CLASP2: variants seen among roughly 807,000 people sequenced by gnomAD.
CLASP2 encodes the protein CLIP-associating protein 2.
CLASP2 carries 47 observed loss-of-function variants against 194.4 expected under a neutral mutation model. The ratio of observed to expected loss-of-function variants is 0.24; its 90% CI spans 0.19 to 0.31. The LOEUF (loss-of-function observed/expected upper bound fraction) is 0.31, where lower values mean the gene tolerates loss of function less well. CLASP2 is among the 10% of genes least tolerant of loss of function. CLASP2 has a pLI of 1.00. For missense variants in CLASP2, 1,445 were observed against 1,823.6 expected, an observed-to-expected ratio of 0.79 and a Z score of 3.78; for synonymous variants, 619 against 633.5, an observed-to-expected ratio of 0.98 and a Z score of 0.34.
Position 33,516,141 on chromosome 3 carries a change from C to T in CLASP2, c.3992G>A (p.Arg1331Lys). Residue 1331 changes from arginine (R) to lysine (K), a missense_variant, in exon 36 of 39, where the codon AGG becomes AAG. By Grantham distance (26) the Arg-to-Lys change is conservative (BLOSUM62 2). Transcript: ENST00000682230. ...ETLGDKEPTI[R>K]ALALKVLREI... is the part of the protein sequence containing the mutation. The stretch of plus-strand genomic sequence containing the variant: ...TCTTAAAACCTTTAATGCCAAAGCC[C>T]TGATTGTAGGCTAAGAAGAAACATT... 6.2e-7 allele frequency: 1 copy of T among 1,604,752 alleles called. No homozygotes were observed. The highest frequency in any genetic ancestry group is 8.5e-7 in the Non-Finnish European group (1 of 1,176,368).
chr3:33,578,659 T>TA (rs1427929336), intron 23 of CLASP2, among the ~76,000 whole-genome samples: 1 of 152,210 alleles, frequency 6.6e-6, no homozygotes, highest in Non-Finnish European at 1.5e-5. Flanking sequence ...TTGTTAGTTT[T>TA]AATTTTACCT....
At chr3:33,552,605 T>C (rs187618936) in intron 29 of CLASP2, among the ~76,000 whole-genome samples, 11 of 152,360 alleles carry the variant, frequency 7.2e-5, no homozygotes, top group African/African-American at 2.6e-4. Context: ...AAGTTTTATA[T>C]ATTTAATGTG....
intron 6 of CLASP2, among the ~76,000 whole-genome samples, chr3:33,667,369 A>C (rs2086361558): frequency 7.3e-6 from 1 of 136,916 alleles, no homozygotes; most frequent in Non-Finnish European, 1.5e-5. Flanking sequence ...AGATCGTGTC[A>C]CTGCACTCCA....
chr3:33,706,189 A>C lies in CLASP2; in HGVS notation c.196-9256T>G, dbSNP rs73055651. On this transcript the variant is annotated intron_variant, in intron 1 of 38. Transcript: ENST00000682230. ...CCTGAGCCCGGGACGTCAAGTCTGC[A>C]GTGAGTCATGATGGTGCCACCGCAC... Among the ~76,000 whole-genome samples the C allele has an allele frequency of 4.2e-3, 632 of 152,286 alleles. 1 individual carries two copies. The highest frequency in any genetic ancestry group is 0.01 in the Middle Eastern group (3 of 294).
At position 33,602,813 on chromosome 3, in the gene CLASP2, C is replaced by T. The variant is rs148735367; in HGVS notation, c.1924+139G>A. ...AGCTCAGATTCCTCAGAAGTGTGTC[C>T]GCAATATAGAATTATATTAAAACAT... On this transcript the variant is annotated intron_variant, in intron 18 of 38. Transcript: ENST00000682230. 1.3e-4 allele frequency: 120 copies of T among 908,990 alleles called. No homozygotes were observed. In the African/African-American group the frequency reaches 1.4e-3, roughly 11 times the overall value. 56.3% of individuals were successfully genotyped at this position (908,990 alleles called of 1,614,324 possible). A position where few individuals can be genotyped will look rare whatever the true frequency, so the allele number is the denominator to read the frequency against.
intron 17 of CLASP2, 87 bp from the exon 18 acceptor site, chr3:33,603,212 C>G: frequency 7.3e-7 from 1 of 1,364,304 alleles, no homozygotes; most frequent in Non-Finnish European, 9.8e-7. Context: ...ATGAGCTAAT[C>G]TGATGACAAA....
intron 21 of CLASP2, among the ~76,000 whole-genome samples, chr3:33,585,460 C>G (rs1001297285): frequency 6.6e-6 from 1 of 152,172 alleles, no homozygotes; most frequent in Non-Finnish European, 1.5e-5. Flanking sequence ...GCTACAAATC[C>G]TATACAGTAT....
At chr3:33,699,136 G>A (rs560395089) in intron 1 of CLASP2, among the ~76,000 whole-genome samples, 2 of 152,112 alleles carry the variant, frequency 1.3e-5, no homozygotes, top group African/African-American at 4.8e-5. Context: ...GAGAAGGAAA[G>A]AATCAGGGAA....
intron 29 of CLASP2, among the ~76,000 whole-genome samples, chr3:33,556,591 A>G (rs2060970733): frequency 6.6e-6 from 1 of 151,882 alleles, no homozygotes; most frequent in Non-Finnish European, 1.5e-5. Context: ...GCCTGCCACC[A>G]CGCCTGGCTA....
intron 30 of CLASP2, among the ~76,000 whole-genome samples, chr3:33,548,964 G>C (rs2059587681): frequency 6.6e-6 from 1 of 151,492 alleles, no homozygotes; most frequent in South Asian, 2.1e-4. Flanking sequence ...GCATAGATGA[G>C]GTCTTGTCAT....
intron 31 of CLASP2, among the ~76,000 whole-genome samples, chr3:33,544,387 C>CAT (rs1407946581): frequency 2.0e-5 from 3 of 152,120 alleles, no homozygotes; most frequent in Non-Finnish European, 4.4e-5. Flanking sequence ...ATCTAAAGAG[C>CAT]ATGTCCTGAT....
At chr3:33,651,870 G>T (rs1305918913) in intron 7 of CLASP2, among the ~76,000 whole-genome samples, 3 of 151,960 alleles carry the variant, frequency 2.0e-5, no homozygotes. Flanking sequence ...TGTTGGCCAG[G>T]ATAGTCTCAA....
intron 7 of CLASP2, among the ~76,000 whole-genome samples, chr3:33,663,179 A>G (rs2085564039): frequency 6.8e-6 from 1 of 148,090 alleles, no homozygotes; most frequent in Non-Finnish European, 1.5e-5. Flanking sequence ...GAAGACACAA[A>G]AAACAAGGCA....
intron 24 of CLASP2, among the ~76,000 whole-genome samples, chr3:33,573,948 C>T (rs2064286042): frequency 6.6e-6 from 1 of 152,044 alleles, no homozygotes; most frequent in Non-Finnish European, 1.5e-5. Context: ...TTTAAGGAGG[C>T]GAACTCCTTG....
intron 35 of CLASP2, 123 bp downstream of exon 35, chr3:33,516,858 T>G (rs764061583): frequency 2.4e-6 from 2 of 849,950 alleles, no homozygotes; most frequent in Non-Finnish European, 3.7e-6. Context: ...GAAAAGTTCA[T>G]GCAGAAAGCA....
chr3:33,513,545 C>G (rs67599414), intron 36 of CLASP2, among the ~76,000 whole-genome samples: 41,759 of 151,992 alleles, frequency 0.27, 6,161 homozygotes, highest in Admixed American at 0.43. Flanking sequence ...AAAAAAACCC[C>G]AAAACCCCTG....
At chr3:33,605,795 G>C (rs1321534127) in intron 16 of CLASP2, among the ~76,000 whole-genome samples, 1 of 152,062 alleles carries the variant, frequency 6.6e-6, no homozygotes, top group Non-Finnish European at 1.5e-5. Flanking sequence ...ATTTTTAGTA[G>C]AGATGGGGTT....
Position 33,647,794 on chromosome 3 carries a change from G to A in CLASP2, c.716-2891C>T, listed in dbSNP as rs146664550. ...TCACGCCTGTAATCCCAGCACTTTG[G>A]GAGGCCGAGGCAGGTGGGTGACGAG... On this transcript the variant is annotated intron_variant, in intron 7 of 38. Coordinates refer to ENST00000682230, the MANE Select transcript of CLASP2 (RefSeq NM_001365631.1). Among the ~76,000 whole-genome samples, 248 of 152,290 alleles carry A rather than the reference G, an allele frequency of 1.6e-3. 3 individuals carry two copies. Among genetic ancestry groups the A allele is most frequent in the African/African-American group, 5.7e-3 (236 of 41,560 alleles).
Position 33,606,757 on chromosome 3 carries a change from T to C in CLASP2, c.1528A>G (p.Thr510Ala). 1 of 1,593,486 alleles carries C rather than the reference T, an allele frequency of 6.3e-7. No homozygotes were observed. Among genetic ancestry groups the C allele is most frequent in the Non-Finnish European group, 8.5e-7 (1 of 1,172,116 alleles). The stretch of plus-strand genomic sequence containing the variant: ...AAGTGGTTTCTAAGACCCATGTATG[T>C]CCTGTTAAAAAAAAAGAAAAGCAGA... ...DAEARVEARK[T>A]YMGLRNHFPG... The change falls in exon 16 of 39, where the codon ACA becomes GCA. Residue 510 changes from threonine (T) to alanine (A), a missense_variant and splice_region_variant. Coordinates refer to ENST00000682230, the MANE Select transcript of CLASP2 (RefSeq NM_001365631.1).
Sources: gnomAD v4.1 joint callset for allele counts (sites outside exome capture counted in the v4.1 genomes callset) on GRCh38, gnomAD v4.1.1 for gene constraint, MANE v1.5 for transcripts, NCBI Gene and HGNC (gene_info 2026-07-23, HGNC 2026-07-21) for gene names.